Variants in XPO7 observed in about 807,000 individuals in gnomAD.
The protein encoded by XPO7 is exportin 7.
A neutral mutation model predicts 144.3 loss-of-function variants in XPO7; 21 were observed. The observed-to-expected ratio is 0.15, with a 90% CI of 0.10 to 0.21. XPO7 has a LOEUF of 0.21. Ranked by LOEUF, XPO7 falls within the 10% of genes least tolerant of loss-of-function variation. The pLI, the probability that XPO7 is intolerant of heterozygous loss-of-function variation, is 1.00. For synonymous variants in XPO7, 580 were observed against 499.6 expected, an observed-to-expected ratio of 1.16 and a Z score of -2.15; for missense variants, 808 against 1,325.8, an observed-to-expected ratio of 0.61 and a Z score of 6.06.
chr8:21,941,237 C>T (rs1420361652), intron 1 of XPO7, among the ~76,000 whole-genome samples: 2 of 151,872 alleles, frequency 1.3e-5, no homozygotes, highest in Admixed American at 1.3e-4. Flanking sequence ...ACGCCACAAC[C>T]CCGCTCCCTG....
chr8:21,963,656 C>G (rs1811796174), intron 1 of XPO7, among the ~76,000 whole-genome samples: 1 of 151,110 alleles, frequency 6.6e-6, no homozygotes. Context: ...GATCACATCA[C>G]TGCACTCCAG....
At chr8:21,986,549 C>G (rs753196976) in intron 13 of XPO7, among the ~76,000 whole-genome samples, 1 of 152,182 alleles carries the variant, frequency 6.6e-6, no homozygotes, top group Non-Finnish European at 1.5e-5. Flanking sequence ...TTAATCCTGA[C>G]AAAAGTCTCC....
intron 23 of XPO7, 73 bp downstream of exon 23, chr8:21,999,378 G>C: frequency 6.3e-7 from 1 of 1,591,310 alleles, no homozygotes; most frequent in Non-Finnish European, 8.6e-7. Flanking sequence ...GACCAAGATT[G>C]AACACTGCTC....
intron 27 of XPO7, 123 bp from the exon 28 acceptor site, chr8:22,004,872 T>C (rs1286913839): frequency 1.7e-6 from 1 of 583,714 alleles, no homozygotes; most frequent in East Asian, 3.0e-5. Context: ...AATTAACTGA[T>C]CTTTGAAACA....
chr8:21,971,561 T>C lies in XPO7; in HGVS notation c.427-315T>C, dbSNP rs71513852. 3.0e-3 allele frequency among the ~76,000 whole-genome samples: 456 copies of C among 152,368 alleles called. 3 individuals are homozygous for C. The highest frequency in any genetic ancestry group is 3.4e-3 in the Non-Finnish European group (234 of 68,036). On this transcript the variant is annotated intron_variant, in intron 4 of 27. Transcript: ENST00000252512. The stretch of plus-strand genomic sequence containing the variant: ...CATTCTCTTTATAAAATGTGTTGTT[T>C]ACTTGTCATTTACTTTAGTGATGTG...
At chr8:21,955,667 T>C (rs1291661005) in intron 1 of XPO7, among the ~76,000 whole-genome samples, 1 of 151,910 alleles carries the variant, frequency 6.6e-6, no homozygotes, top group Admixed American at 6.6e-5. Context: ...CTCTTCTCTG[T>C]TGGGTTTCAT....
intron 1 of XPO7, among the ~76,000 whole-genome samples, chr8:21,947,956 A>G (rs1384433155): frequency 6.6e-6 from 1 of 152,236 alleles, no homozygotes; most frequent in Non-Finnish European, 1.5e-5. Context: ...ATAAAAAAAC[A>G]TGGCATGTTT....
intron 4 of XPO7, 98 bp downstream of exon 4, chr8:21,970,408 C>A: frequency 2.5e-6 from 3 of 1,189,396 alleles, no homozygotes; most frequent in Non-Finnish European, 1.1e-6. Flanking sequence ...ACACGCTTAT[C>A]TACTTTTTAA....
At chr8:21,985,804 A>G (rs1812560462) in intron 13 of XPO7, 113 bp downstream of exon 13, 1 of 869,574 alleles carries the variant, frequency 1.1e-6, no homozygotes, top group Admixed American at 2.1e-5. Context: ...TGCCCATGAG[A>G]CACAGCTTTC....
In XPO7 at chr8:21,991,848, C is replaced by A; in HGVS notation, c.2042-20C>A. On this transcript the variant is annotated intron_variant, in intron 18 of 27. Transcript: ENST00000252512. The stretch of plus-strand genomic sequence containing the variant: ...GAATTCTTGGTATTGGGGTTACACC[C>A]TGGGATGTTTCCTTTACAGGAGAGG... 1.3e-6 allele frequency: 2 copies of A among 1,597,004 alleles called. No individual in the cohort carries two copies. The highest frequency in any genetic ancestry group is 1.7e-6 in the Non-Finnish European group (2 of 1,169,698).
chr8:21,970,401 C>A, intron 4 of XPO7, 91 bp downstream of exon 4: 2 of 1,143,984 alleles, frequency 1.7e-6, no homozygotes, highest in Non-Finnish European at 2.4e-6. Flanking sequence ...CAACTTAACA[C>A]GCTTATCTAC....
intron 1 of XPO7, among the ~76,000 whole-genome samples, chr8:21,937,985 A>AT (rs973313472): frequency 1.8e-4 from 27 of 151,894 alleles, no homozygotes; most frequent in Admixed American, 1.0e-3. Context: ...TTTCATATCA[A>AT]TTTTTTTTCA....
At chr8:21,993,293 C>G (rs1256454238) in intron 19 of XPO7, among the ~76,000 whole-genome samples, 1 of 152,146 alleles carries the variant, frequency 6.6e-6, no homozygotes, top group Admixed American at 6.5e-5. Flanking sequence ...AGCTGTCACC[C>G]ACTTCTTTGT....
chr8:21,939,342 C>T (rs1483585425), intron 1 of XPO7, among the ~76,000 whole-genome samples: 1 of 151,998 alleles, frequency 6.6e-6, no homozygotes, highest in Non-Finnish European at 1.5e-5. Flanking sequence ...CTGCCTCAGC[C>T]TCCCGAGTAG....
chr8:21,970,198 C>T lies in XPO7; in HGVS notation c.314C>T (p.Thr105Ile), dbSNP rs1812007451. The T allele has an allele frequency of 6.2e-7, 1 of 1,613,774 alleles. No individual in the cohort carries two copies. Among genetic ancestry groups the T allele is most frequent in the Non-Finnish European group, 8.5e-7 (1 of 1,179,800 alleles). Residue 105 changes from threonine to isoleucine, a missense_variant, in exon 4 of 28, where the codon ACA becomes ATA. By Grantham distance (89) the Thr-to-Ile change is moderately conservative (BLOSUM62 -1). Around this residue, in one of 5 missense-constraint regions of XPO7, gnomAD observed 223 missense variants for 368.8 expected, o/e 0.60. Coordinates refer to ENST00000252512, the MANE Select transcript of XPO7 (RefSeq NM_015024.5). Reference protein sequence around the residue: ...ATRPKLATFVTQALIQLYARI... With the variant: ...ATRPKLATFVIQALIQLYARI... ...CGGCCGAAGTTGGCTACTTTCGTGA[C>T]ACAAGCACTTATTCAGTTATATGCC...
chr8:21,976,676 CAG>C, intron 7 of XPO7, among the ~76,000 whole-genome samples, 155 bp downstream of exon 7: 1 of 152,294 alleles, frequency 6.6e-6, no homozygotes, highest in East Asian at 1.9e-4. Context: ...TTTTTAAAGA[CAG>C]GGTCTCACTC....
chr8:21,927,576 G>A (rs1228208397), intron 1 of XPO7, among the ~76,000 whole-genome samples: 2 of 103,404 alleles, frequency 1.9e-5, no homozygotes, highest in African/African-American at 3.8e-5. Flanking sequence ...ATGGAGTTTT[G>A]CTCTTGTTGC....
At chr8:21,955,814 C>T (rs970757536) in intron 1 of XPO7, among the ~76,000 whole-genome samples, 4 of 149,350 alleles carry the variant, frequency 2.7e-5, no homozygotes, top group East Asian at 2.0e-4. Flanking sequence ...CTGCAACCTC[C>T]GCTGCCTGGG....
chr8:21,994,840 T>C (rs575789747), intron 20 of XPO7, among the ~76,000 whole-genome samples: 1 of 151,836 alleles, frequency 6.6e-6, no homozygotes, highest in African/African-American at 2.4e-5. Flanking sequence ...GATCACGAGG[T>C]CAGGAGATCG....
Sources: allele counts gnomAD v4.1 joint callset (sites outside exome capture counted in the v4.1 genomes callset), GRCh38; gene constraint gnomAD v4.1.1; regional missense constraint gnomAD v4.1.1; transcripts MANE v1.5; gene names NCBI Gene and HGNC (gene_info 2026-07-23, HGNC 2026-07-21).